Variants in FSD1L observed in about 807,000 individuals in gnomAD.
FSD1L encodes FSD1-like protein.
Under a neutral mutation model 71.6 loss-of-function variants are expected in FSD1L, and 45 were observed. That is an observed-to-expected ratio of 0.63 (90% CI 0.49 to 0.81). FSD1L has a LOEUF of 0.81. Ranked by LOEUF, FSD1L falls within the 30% of genes least tolerant of loss-of-function variation. The pLI is 0.00. For synonymous variants in FSD1L, 197 were observed against 207.2 expected, an observed-to-expected ratio of 0.95 and a Z score of 0.42; for missense variants, 561 against 618.1, an observed-to-expected ratio of 0.91 and a Z score of 0.98.
At chr9:105,512,208 T>G (rs902706800) in intron 9 of FSD1L, among the ~76,000 whole-genome samples, 27 of 113,054 alleles carry the variant, frequency 2.4e-4, no homozygotes, top group African/African-American at 8.9e-4. Context: ...GTTTTATGGT[T>G]TTTTTTTAAA....
At chr9:105,542,890 T>C (rs1357792800) in intron 13 of FSD1L, among the ~76,000 whole-genome samples, 1 of 152,212 alleles carries the variant, frequency 6.6e-6, no homozygotes, top group Non-Finnish European at 1.5e-5. Context: ...CATTTTGTTA[T>C]GAAGTCCAAT....
chr9:105,493,983 A>C (rs1461495401), intron 7 of FSD1L, among the ~76,000 whole-genome samples: 1 of 151,992 alleles, frequency 6.6e-6, no homozygotes, highest in Non-Finnish European at 1.5e-5. Flanking sequence ...TGTGTCTTGG[A>C]GTTGCTCTTC....
At chr9:105,538,959 G>A (rs1178390807) in intron 12 of FSD1L, among the ~76,000 whole-genome samples, 1 of 152,062 alleles carries the variant, frequency 6.6e-6, no homozygotes, top group African/African-American at 2.4e-5. Context: ...GGTTTACACT[G>A]GGCTAATGAA....
intron 10 of FSD1L, among the ~76,000 whole-genome samples, chr9:105,533,664 G>C (rs12235779): frequency 6.7e-6 from 1 of 150,116 alleles, no homozygotes; most frequent in Admixed American, 6.6e-5. Flanking sequence ...TTCGAGATCC[G>C]CCTGTCTTGG....
intron 1 of FSD1L, among the ~76,000 whole-genome samples, chr9:105,460,312 G>T (rs1037095497): frequency 1.3e-5 from 2 of 152,100 alleles, no homozygotes; most frequent in South Asian, 2.1e-4. Context: ...AACTGTAATC[G>T]CTGGGAGTGG....
intron 1 of FSD1L, among the ~76,000 whole-genome samples, chr9:105,460,619 G>A (rs2131598632): frequency 6.6e-6 from 1 of 150,944 alleles, no homozygotes; most frequent in Non-Finnish European, 1.5e-5. Flanking sequence ...AAGATTGACT[G>A]TAATCTAAGG....
At chr9:105,485,541 T>TTG (rs1832486627) in intron 7 of FSD1L, among the ~76,000 whole-genome samples, 2 of 150,092 alleles carry the variant, frequency 1.3e-5, no homozygotes, top group Admixed American at 1.3e-4. Context: ...GTGTTTTTTT[T>TTG]TTTTTTTTTT....
chr9:105,526,481 C>T (rs1466144463), intron 10 of FSD1L: 41 of 1,612,256 alleles, frequency 2.5e-5, no homozygotes, highest in African/African-American at 9.4e-5. Context: ...TAGCAAAAGC[C>T]GCATGTCCAT....
intron 10 of FSD1L, among the ~76,000 whole-genome samples, chr9:105,517,462 C>T (rs536436955): frequency 6.6e-6 from 1 of 152,338 alleles, no homozygotes; most frequent in South Asian, 2.1e-4. Flanking sequence ...CAGCAGATCT[C>T]TCTGCAGAAA....
intron 13 of FSD1L, among the ~76,000 whole-genome samples, chr9:105,540,084 T>C (rs1297641158): frequency 6.6e-6 from 1 of 152,198 alleles, no homozygotes; most frequent in Admixed American, 6.5e-5. Context: ...TGGTTGGTTA[T>C]GCTAATTTAC....
chr9:105,529,961 A>G (rs1197205663), intron 10 of FSD1L, among the ~76,000 whole-genome samples: 2 of 152,164 alleles, frequency 1.3e-5, no homozygotes, highest in African/African-American at 4.8e-5. Flanking sequence ...AGCCATAGCA[A>G]AGGCACTGAA....
At chr9:105,514,470 CTG>C (rs552479633) in intron 10 of FSD1L, among the ~76,000 whole-genome samples, 83 of 152,300 alleles carry the variant, frequency 5.4e-4, no homozygotes, top group African/African-American at 1.8e-3. Context: ...GGGATAAACA[CTG>C]TCTCTGCTTT....
chr9:105,495,364 TTGGGGTGGGAA>T (rs1376859116), intron 7 of FSD1L, among the ~76,000 whole-genome samples: 53 of 152,316 alleles, frequency 3.5e-4, no homozygotes, highest in African/African-American at 1.2e-3. Flanking sequence ...AAGTGCAGTA[TTGGGGTGGGAA>T]TGACCTGATT....
chr9:105,448,094 G>GGCCGGGCGGT lies in FSD1L; in HGVS notation c.-121_-112dup. The GGCCGGGCGGT allele has an allele frequency of 9.1e-7, 1 of 1,100,116 alleles. No individual in the cohort carries two copies. Among genetic ancestry groups the GGCCGGGCGGT allele is most frequent in the East Asian group, 2.9e-5 (1 of 34,414 alleles). 68.1% of individuals were successfully genotyped at this position (1,100,116 alleles called of 1,614,324 possible). On this transcript the variant is annotated 5_prime_UTR_variant, in exon 1 of 14. Coordinates refer to ENST00000481272, the MANE Select transcript of FSD1L (RefSeq NM_001145313.3). ...GCGCGGTCTGGGCGCGGACGGGTGGGGCCGGGCGGTGCCGGTGCGGGCTGG... is the reference window on the plus strand; with the variant it reads ...GCGCGGTCTGGGCGCGGACGGGTGGGGCCGGGCGGTGCCGGGCGGTGCCGGTGCGGGCTGG...
At chr9:105,501,449 G>A (rs1833754216) in intron 7 of FSD1L, among the ~76,000 whole-genome samples, 1 of 151,814 alleles carries the variant, frequency 6.6e-6, no homozygotes, top group African/African-American at 2.4e-5. Flanking sequence ...TTTGAGACAG[G>A]GTATTTCTCT....
At chr9:105,519,688 G>A (rs1423141716) in intron 10 of FSD1L, among the ~76,000 whole-genome samples, 2 of 152,188 alleles carry the variant, frequency 1.3e-5, no homozygotes, top group African/African-American at 4.8e-5. Context: ...CCCACAGCCA[G>A]TATCATACTG....
At chr9:105,498,574 A>T (rs554324267) in intron 7 of FSD1L, among the ~76,000 whole-genome samples, 1 of 152,282 alleles carries the variant, frequency 6.6e-6, no homozygotes. Context: ...TTATGGGACC[A>T]CTTTTGTATA....
chr9:105,448,248 G>C lies in FSD1L; in HGVS notation c.15+13G>C. 1 of 1,535,462 alleles carries C rather than the reference G, an allele frequency of 6.5e-7. No individual in the cohort carries two copies. The highest frequency in any genetic ancestry group is 8.8e-7 in the Non-Finnish European group (1 of 1,139,418). ...GGACTCCCAGAAAGTAAGCGGGGGAGGGGAGCCCGGGGCTACCGAGACAAG... is the reference window on the plus strand; with the variant it reads ...GGACTCCCAGAAAGTAAGCGGGGGACGGGAGCCCGGGGCTACCGAGACAAG... On this transcript the variant is annotated intron_variant, in intron 1 of 13. Transcript: ENST00000481272.
At chr9:105,520,569 T>C in intron 10 of FSD1L, 1 of 1,365,256 alleles carries the variant, frequency 7.3e-7, no homozygotes, top group East Asian at 2.3e-5. Context: ...CATGGCAGTT[T>C]CATAATATTG....
Sources: gnomAD v4.1 joint callset for allele counts (sites outside exome capture counted in the v4.1 genomes callset) on GRCh38, gnomAD v4.1.1 for gene constraint, MANE v1.5 for transcripts, NCBI Gene and HGNC (gene_info 2026-07-23, HGNC 2026-07-21) for gene names.